ANO3: variants seen among roughly 807,000 people sequenced by gnomAD.
ANO3 encodes anoctamin 3.
ANO3 carries 99 observed loss-of-function variants against 144.8 expected under a neutral mutation model. The ratio of observed to expected loss-of-function variants is 0.68; its 90% CI spans 0.58 to 0.81. The LOEUF (loss-of-function observed/expected upper bound fraction) is 0.81, where lower values mean the gene tolerates loss of function less well. Among genes scored for constraint, ANO3 ranks in the 30% least tolerant of loss-of-function variants. The pLI is 0.00. For synonymous variants in ANO3, 414 were observed against 392.6 expected (o/e 1.05, Z -0.64); for missense variants, 905 against 1,202.2 (o/e 0.75, Z 3.66).
intron 17 of ANO3, among the ~76,000 whole-genome samples, chr11:26,616,046 A>C (rs1044044294): frequency 1.4e-4 from 22 of 152,200 alleles, no homozygotes; most frequent in African/African-American, 5.3e-4. Flanking sequence ...TGCTGAAATC[A>C]TACCACTGTG....
chr11:26,489,396 A>C (rs1211120355), intron 4 of ANO3, among the ~76,000 whole-genome samples: 1 of 152,218 alleles, frequency 6.6e-6, no homozygotes, highest in East Asian at 1.9e-4. Context: ...GCAGGGGTGC[A>C]GCCCTCATGG....
At chr11:26,554,106 CT>C (rs1357611068) in intron 13 of ANO3, among the ~76,000 whole-genome samples, 1 of 152,110 alleles carries the variant, frequency 6.6e-6, no homozygotes, top group Non-Finnish European at 1.5e-5. Context: ...TGACCTTCCC[CT>C]GTGCTCTAGC....
At chr11:26,386,205 A>G (rs946066987) in intron 1 of ANO3, among the ~76,000 whole-genome samples, 8 of 152,202 alleles carry the variant, frequency 5.3e-5, no homozygotes, top group Non-Finnish European at 8.8e-5. Context: ...TTTTAGCATC[A>G]AAATAAATAA....
In ANO3 at chr11:26,516,935, C is replaced by G; in HGVS notation, c.692+8C>G. On this transcript the variant is annotated splice_region_variant and intron_variant, in intron 6 of 26. Transcript: ENST00000256737. ...TATCAGGATGCCCTTCAGGTACTTT[C>G]AAATTTTACTTTATTTTATCTCAAT... 1 of 1,555,334 alleles carries G rather than the reference C, an allele frequency of 6.4e-7. No individual in the cohort carries two copies. The highest frequency in any genetic ancestry group is 1.7e-5 in the Admixed American group (1 of 58,930).
At position 26,238,887 on chromosome 11, in the gene ANO3, A is replaced by C. The variant is rs1264415066; in HGVS notation, c.154+49557A>C. Among the ~76,000 whole-genome samples, 3 of 151,932 alleles carry C rather than the reference A, an allele frequency of 2.0e-5. No individual in the cohort carries two copies. In the East Asian group the frequency reaches 5.8e-4, roughly 29 times the overall value. ...TTGGATAGTTAAGCTGTTTCAAATCATTATTCAAAATTTGGAAAATGTAAA... is the reference window on the plus strand; with the variant it reads ...TTGGATAGTTAAGCTGTTTCAAATCCTTATTCAAAATTTGGAAAATGTAAA... On this transcript the variant is annotated intron_variant, in intron 1 of 27. Transcript: ENST00000672621.
intron 4 of ANO3, among the ~76,000 whole-genome samples, chr11:26,470,398 A>T (rs1292165052): frequency 6.7e-6 from 1 of 150,166 alleles, no homozygotes; most frequent in Non-Finnish European, 1.5e-5. Context: ...AGAGAGAGAG[A>T]GAGAGGGAGA....
chr11:26,653,780 A>C (rs1457426188), intron 24 of ANO3, among the ~76,000 whole-genome samples: 1 of 152,056 alleles, frequency 6.6e-6, no homozygotes, highest in Non-Finnish European at 1.5e-5. Context: ...CTTCCTAAAA[A>C]AGTCTACCCT....
chr11:26,416,674 C>T (rs148999346), intron 1 of ANO3, among the ~76,000 whole-genome samples: 379 of 152,058 alleles, frequency 2.5e-3, no homozygotes, highest in African/African-American at 8.7e-3. Context: ...ATCCACCCAC[C>T]TCGGCCTCCC....
intron 1 of ANO3, among the ~76,000 whole-genome samples, chr11:26,258,166 T>A: frequency 6.6e-6 from 1 of 152,232 alleles, no homozygotes; most frequent in East Asian, 1.9e-4. Context: ...CTTACAAGAG[T>A]AAGTATGTAT....
At chr11:26,436,598 G>C (rs990471803) in intron 1 of ANO3, among the ~76,000 whole-genome samples, 9 of 146,988 alleles carry the variant, frequency 6.1e-5, no homozygotes, top group Non-Finnish European at 1.4e-4. Context: ...GGGGTGGCTG[G>C]GGACCTTGGT....
chr11:26,640,894 A>C (rs1483998480), intron 21 of ANO3, among the ~76,000 whole-genome samples: 1 of 152,152 alleles, frequency 6.6e-6, no homozygotes, highest in Admixed American at 6.6e-5. Context: ...AGATCGCCTC[A>C]ACTCTCACCT....
chr11:26,624,186 A>G (rs1429578132), intron 17 of ANO3, among the ~76,000 whole-genome samples: 1 of 152,240 alleles, frequency 6.6e-6, no homozygotes, highest in South Asian at 2.1e-4. Flanking sequence ...AATGAAAATG[A>G]AGATAGCTAC....
At chr11:26,456,227 A>T (rs1376837095) in intron 3 of ANO3, among the ~76,000 whole-genome samples, 1 of 152,182 alleles carries the variant, frequency 6.6e-6, no homozygotes, top group Non-Finnish European at 1.5e-5. Context: ...GACAAATGGG[A>T]TCTAATTAAA....
chr11:26,254,279 G>A (rs1490387085), intron 1 of ANO3, among the ~76,000 whole-genome samples: 1 of 152,048 alleles, frequency 6.6e-6, no homozygotes, highest in Non-Finnish European at 1.5e-5. Flanking sequence ...AATAGTTTAG[G>A]AGCTAATATG....
At chr11:26,599,315 G>A (rs1851727665) in intron 16 of ANO3, among the ~76,000 whole-genome samples, 1 of 152,126 alleles carries the variant, frequency 6.6e-6, no homozygotes, top group East Asian at 1.9e-4. Flanking sequence ...AGGACGTTGG[G>A]AAGAATTTGC....
intron 1 of ANO3, among the ~76,000 whole-genome samples, chr11:26,340,591 A>G (rs995444761): frequency 1.3e-5 from 2 of 152,168 alleles, no homozygotes; most frequent in South Asian, 2.1e-4. Context: ...GAGTCTGACA[A>G]TTGAGTCAAT....
At chr11:26,538,273 G>A (rs967511553) in intron 10 of ANO3, among the ~76,000 whole-genome samples, 1 of 152,164 alleles carries the variant, frequency 6.6e-6, no homozygotes, top group Admixed American at 6.6e-5. Flanking sequence ...GGTAACTGAG[G>A]TACAGAAAGG....
chr11:26,278,082 C>G (rs891642229), intron 1 of ANO3, among the ~76,000 whole-genome samples: 1 of 152,064 alleles, frequency 6.6e-6, no homozygotes, highest in Non-Finnish European at 1.5e-5. Context: ...AGTCTAGTAA[C>G]GACCCCCAGA....
intron 1 of ANO3, among the ~76,000 whole-genome samples, chr11:26,411,330 T>C (rs1857425812): frequency 6.6e-6 from 1 of 151,998 alleles, no homozygotes; most frequent in Non-Finnish European, 1.5e-5. Flanking sequence ...AACAAAATTG[T>C]TAAGAATAAT....
Sources: gnomAD v4.1 joint callset for allele counts (sites outside exome capture counted in the v4.1 genomes callset) on GRCh38, gnomAD v4.1.1 for gene constraint, MANE v1.5 for transcripts, NCBI Gene and HGNC (gene_info 2026-07-23, HGNC 2026-07-21) for gene names.